The following SUCLG2 variants were observed in gnomAD, a reference collection of about 807,000 sequenced individuals.
The protein encoded by SUCLG2 is succinate-CoA ligase GDP-forming subunit beta.
Under a neutral mutation model 47.9 loss-of-function variants are expected in SUCLG2, and 42 were observed. That is an observed-to-expected ratio of 0.88 (90% confidence interval 0.69 to 1.14). The LOEUF (loss-of-function observed/expected upper bound fraction) is 1.14. Ranked by LOEUF, SUCLG2 falls within the 50% of genes most tolerant of loss-of-function variation. SUCLG2 has a pLI of 0.00. For synonymous variants in SUCLG2, 195 were observed against 197.3 expected, an observed-to-expected ratio of 0.99 and a Z score of 0.10; for missense variants, 571 against 525.9, an observed-to-expected ratio of 1.09 and a Z score of -0.84.
intron 9 of SUCLG2, among the ~76,000 whole-genome samples, chr3:67,431,406 C>A (rs141276520): frequency 6.6e-6 from 1 of 152,140 alleles, no homozygotes; most frequent in African/African-American, 2.4e-5. Context: ...TTCAACACCC[C>A]TTCATGCTAA....
At chr3:67,519,027 G>A (rs1230580392) in intron 5 of SUCLG2, among the ~76,000 whole-genome samples, 1 of 151,574 alleles carries the variant, frequency 6.6e-6, no homozygotes, top group Non-Finnish European at 1.5e-5. Context: ...TTCAAATAAC[G>A]TTACTTCATT....
At chr3:67,643,128 AAC>A (rs2107372957) in intron 1 of SUCLG2, among the ~76,000 whole-genome samples, 1 of 152,288 alleles carries the variant, frequency 6.6e-6, no homozygotes, top group Non-Finnish European at 1.5e-5. Context: ...TAATCATAAA[AAC>A]ACACTAAACA....
At chr3:67,510,820 T>C (rs530337011) in intron 6 of SUCLG2, among the ~76,000 whole-genome samples, 81 of 152,010 alleles carry the variant, frequency 5.3e-4, no homozygotes, top group African/African-American at 1.9e-3. Context: ...ATTTGTAGGA[T>C]AAATTACCCA....
chr3:67,449,430 C>G (rs904511941), intron 9 of SUCLG2, among the ~76,000 whole-genome samples: 4 of 152,116 alleles, frequency 2.6e-5, no homozygotes, highest in Non-Finnish European at 4.4e-5. Flanking sequence ...ATTCTGCAGT[C>G]ATACAAAGAG....
intron 2 of SUCLG2, among the ~76,000 whole-genome samples, chr3:67,549,216 C>T (rs1472524996): frequency 2.0e-5 from 3 of 152,106 alleles, no homozygotes; most frequent in Non-Finnish European, 4.4e-5. Context: ...TTGCAACCTC[C>T]AGAAAAGCCA....
chr3:67,604,703 G>C (rs1708491024), intron 2 of SUCLG2, among the ~76,000 whole-genome samples: 1 of 152,262 alleles, frequency 6.6e-6, no homozygotes, highest in East Asian at 1.9e-4. Flanking sequence ...ATTTAGGTCA[G>C]GTGTGCCAAA....
At chr3:67,650,393 C>A (rs75197889) in intron 1 of SUCLG2, among the ~76,000 whole-genome samples, 2,106 of 152,338 alleles carry the variant, frequency 0.014, 23 homozygotes, top group Non-Finnish European at 0.022. Context: ...TCTTTGACAA[C>A]ATACATTCCT....
At chr3:67,404,533 G>A (rs1005084399) in intron 9 of SUCLG2, among the ~76,000 whole-genome samples, 6 of 152,088 alleles carry the variant, frequency 3.9e-5, no homozygotes, top group Non-Finnish European at 7.4e-5. Flanking sequence ...ATAGAAGTAC[G>A]CAGGCTGCTT....
At chr3:67,592,482 C>T (rs768150927) in intron 2 of SUCLG2, among the ~76,000 whole-genome samples, 1 of 152,046 alleles carries the variant, frequency 6.6e-6, no homozygotes, top group African/African-American at 2.4e-5. Flanking sequence ...AATTGCTATT[C>T]CCAGTTCATA....
intron 9 of SUCLG2, among the ~76,000 whole-genome samples, chr3:67,424,594 A>G (rs759154316): frequency 6.6e-6 from 1 of 152,168 alleles, no homozygotes; most frequent in Non-Finnish European, 1.5e-5. Context: ...AATCTCTTCT[A>G]TGCCTCCTTT....
At chr3:67,474,894 A>G (rs1704706723) in intron 9 of SUCLG2, among the ~76,000 whole-genome samples, 1 of 152,078 alleles carries the variant, frequency 6.6e-6, no homozygotes, top group African/African-American at 2.4e-5. Flanking sequence ...AGTGGTCCCT[A>G]CAACACCAAC....
intron 9 of SUCLG2, among the ~76,000 whole-genome samples, chr3:67,420,300 GA>G (rs1703128231): frequency 6.6e-6 from 1 of 152,186 alleles, no homozygotes; most frequent in Admixed American, 6.5e-5. Flanking sequence ...GTACTGACCT[GA>G]AAATTGTTTG....
intron 9 of SUCLG2, among the ~76,000 whole-genome samples, chr3:67,481,435 T>C (rs975951362): frequency 3.9e-5 from 6 of 152,226 alleles, no homozygotes; most frequent in African/African-American, 1.2e-4. Context: ...AAAACAGGCA[T>C]TGGCCAGGAC....
chr3:67,431,680 C>T (rs978374167), intron 9 of SUCLG2, among the ~76,000 whole-genome samples: 2 of 149,970 alleles, frequency 1.3e-5, no homozygotes, highest in East Asian at 2.0e-4. Flanking sequence ...TAGGTGGGAA[C>T]TGAACAATCA....
chr3:67,549,499 A>G (rs541415952), intron 2 of SUCLG2, among the ~76,000 whole-genome samples: 18 of 152,344 alleles, frequency 1.2e-4, no homozygotes, highest in African/African-American at 4.1e-4. Context: ...ATGTCTAAAC[A>G]AAGTCTGAAA....
At chr3:67,572,430 C>A (rs761075762) in intron 2 of SUCLG2, among the ~76,000 whole-genome samples, 1 of 152,084 alleles carries the variant, frequency 6.6e-6, no homozygotes, top group Non-Finnish European at 1.5e-5. Context: ...AGTTCTTTAG[C>A]CTATAAATAG....
rs1407567061 is a variant in SUCLG2, at chr3:67,653,701, G to C, written c.84+802C>G. Among the ~76,000 whole-genome samples the C allele has an allele frequency of 2.0e-5, 3 of 152,194 alleles. No individual in the cohort carries two copies. In the East Asian group the frequency reaches 5.8e-4, roughly 29 times the overall value. ...TAGTCTACGGAGACTAACCAGTTCA[G>C]TGGTTGAGTGATTTCTACAAGAGTC... On this transcript the variant is annotated intron_variant, in intron 1 of 10. Transcript: ENST00000307227.
At chr3:67,565,406 T>C (rs1575782418) in intron 2 of SUCLG2, among the ~76,000 whole-genome samples, 1 of 152,342 alleles carries the variant, frequency 6.6e-6, no homozygotes, top group East Asian at 1.9e-4. Flanking sequence ...TATTTTATTA[T>C]TTCAGTCTTA....
At chr3:67,607,578 A>T (rs967460030) in intron 2 of SUCLG2, among the ~76,000 whole-genome samples, 5 of 152,178 alleles carry the variant, frequency 3.3e-5, no homozygotes, top group African/African-American at 1.2e-4. Context: ...GGCAGACAGC[A>T]GGACCTGATC....
Sources: allele counts gnomAD v4.1 joint callset (sites outside exome capture counted in the v4.1 genomes callset), GRCh38; gene constraint gnomAD v4.1.1; transcripts MANE v1.5; gene names NCBI Gene and HGNC (gene_info 2026-07-23, HGNC 2026-07-21).